Variants in LAMB4 observed in about 807,000 individuals in gnomAD.
LAMB4 encodes laminin subunit beta 4.
A neutral mutation model predicts 199.2 loss-of-function variants in LAMB4; 196 were observed. The observed-to-expected ratio is 0.98, with a 90% CI of 0.88 to 1.11. The LOEUF is 1.11. Among genes scored for constraint, LAMB4 ranks in the 50% least tolerant of loss-of-function variants. The pLI, the probability that LAMB4 is intolerant of heterozygous loss-of-function variation, is 0.00. For synonymous variants in LAMB4, 744 were observed against 770.6 expected (o/e 0.97, Z 0.57); for missense variants, 2,080 against 2,171.2 (o/e 0.96, Z 0.83).
Position 108,063,914 on chromosome 7 carries a change from A to G in LAMB4, c.2908T>C (p.Cys970Arg). ...PRISGAPCQPCACNNNIDVTD... is the reference protein window; with the variant it reads ...PRISGAPCQPRACNNNIDVTD... ...ACATCTATGTTGTTGTTGCAGGCACATGGTTGGCAAGGTGCTCCTGAAATT... is the reference window on the plus strand; with the variant it reads ...ACATCTATGTTGTTGTTGCAGGCACGTGGTTGGCAAGGTGCTCCTGAAATT... Residue 970 changes from cysteine to arginine, a missense_variant, in exon 22 of 34, where the codon TGT (cysteine) becomes CGT (arginine). Cys to Arg is a radical substitution (Grantham distance 180). Transcript: ENST00000388781. 1 of 1,614,170 alleles carries G rather than the reference A, an allele frequency of 6.2e-7. No homozygotes were observed. Among genetic ancestry groups the G allele is most frequent in the Non-Finnish European group, 8.5e-7 (1 of 1,180,024 alleles).
At chr7:108,081,907 C>A (rs2036957602) in intron 14 of LAMB4, among the ~76,000 whole-genome samples, 1 of 152,136 alleles carries the variant, frequency 6.6e-6, no homozygotes, top group Admixed American at 6.5e-5. Context: ...TAAGGACAAT[C>A]AATCACCAAT....
chr7:108,090,863 G>A (rs998459984), intron 14 of LAMB4, among the ~76,000 whole-genome samples: 6 of 152,118 alleles, frequency 3.9e-5, no homozygotes, highest in African/African-American at 1.2e-4. Flanking sequence ...TAGGGACAAC[G>A]AAAATCTCCT....
intron 30 of LAMB4, among the ~76,000 whole-genome samples, chr7:108,034,744 G>A (rs2035164239): frequency 6.6e-6 from 1 of 152,154 alleles, no homozygotes; most frequent in African/African-American, 2.4e-5. Flanking sequence ...AGGCCCCACA[G>A]AGAGCAAAGA....
intron 18 of LAMB4, 88 bp downstream of exon 18, chr7:108,069,620 G>A: frequency 8.0e-7 from 1 of 1,250,532 alleles, no homozygotes; most frequent in Non-Finnish European, 1.1e-6. Flanking sequence ...TTGTTGTTTG[G>A]AGTGGATGCT....
intron 33 of LAMB4, chr7:108,026,643 C>A (rs1439372544): frequency 4.6e-6 from 1 of 218,930 alleles, no homozygotes; most frequent in East Asian, 1.2e-4. Flanking sequence ...AATACTTTAT[C>A]CAAAATTATG....
chr7:108,113,155 C>T (rs768434587), intron 3 of LAMB4, among the ~76,000 whole-genome samples: 16 of 152,186 alleles, frequency 1.1e-4, no homozygotes, highest in Non-Finnish European at 1.6e-4. Flanking sequence ...CTTTTCACCC[C>T]CATGGCCCTC....
chr7:108,092,343 G>A lies in LAMB4; in HGVS notation c.1544C>T (p.Ser515Phe). ...TAAAACTTATTTGACTTACACGTTA[G>A]AATAAGCACCTCCAATATCACAGTC... ...PCDCDIGGAY[S>F]NVCSPKNGQC... Residue 515 changes from serine to phenylalanine, a missense_variant, in exon 13 of 34, where the codon TCT becomes TTT. Transcript: ENST00000388781. 6.2e-7 allele frequency: 1 copy of A among 1,612,194 alleles called. No individual in the cohort carries two copies. Among genetic ancestry groups the A allele is most frequent in the African/African-American group, 1.3e-5 (1 of 74,958 alleles).
intron 30 of LAMB4, among the ~76,000 whole-genome samples, chr7:108,035,250 A>G (rs942802623): frequency 7.9e-5 from 12 of 152,016 alleles, no homozygotes; most frequent in Admixed American, 6.6e-4. Flanking sequence ...TTTTTAATTT[A>G]CGACTGCAGG....
intron 33 of LAMB4, among the ~76,000 whole-genome samples, chr7:108,026,285 A>G (rs1732161): frequency 0.2 from 30,737 of 152,178 alleles, 7,239 homozygotes; most frequent in African/African-American, 0.58. Context: ...CCGAATCTGG[A>G]CTGGCTTTAT....
intron 33 of LAMB4, among the ~76,000 whole-genome samples, chr7:108,027,892 C>T (rs2034891928): frequency 6.6e-6 from 1 of 152,208 alleles, no homozygotes; most frequent in Non-Finnish European, 1.5e-5. Context: ...AAGCGATTCT[C>T]CTGCCTCAGC....
At chr7:108,125,750 C>T (rs893766041) in intron 1 of LAMB4, among the ~76,000 whole-genome samples, 2 of 152,232 alleles carry the variant, frequency 1.3e-5, no homozygotes, top group African/African-American at 4.8e-5. Context: ...GGAGGTGGAA[C>T]TGTAATGCTG....
intron 4 of LAMB4, among the ~76,000 whole-genome samples, chr7:108,109,474 A>T (rs1359481767): frequency 6.6e-6 from 1 of 152,224 alleles, no homozygotes; most frequent in Non-Finnish European, 1.5e-5. Context: ...TTTAGTGGCA[A>T]CACACATGGC....
intron 12 of LAMB4, among the ~76,000 whole-genome samples, chr7:108,093,928 G>GA (rs1032978549): frequency 1.3e-5 from 2 of 151,238 alleles, no homozygotes; most frequent in Admixed American, 6.6e-5. Context: ...TTCAGTTTAA[G>GA]AAAAAAAAAT....
the LAMB4 span, among the ~76,000 whole-genome samples, chr7:108,013,838 G>T: frequency 6.6e-6 from 1 of 152,072 alleles, no homozygotes; most frequent in African/African-American, 2.4e-5. Context: ...AAATTACTAT[G>T]CTGGACCCAT....
At chr7:108,078,059 G>A (rs1339762653) in intron 16 of LAMB4, 142 bp downstream of exon 16, 4 of 634,430 alleles carry the variant, frequency 6.3e-6, no homozygotes, top group East Asian at 5.5e-5. Context: ...AAAGCATAGT[G>A]CAGCACCCAG....
chr7:108,029,190 C>T lies in LAMB4; in HGVS notation c.4999G>A (p.Val1667Ile), dbSNP rs1056174564. The stretch of plus-strand genomic sequence containing the variant: ...ATAGCATATTGTTTTTTCAGCTCAA[C>T]AAATTCCTGTAACAAGCAACACTTG... ...HQAGSLEKEF[V>I]ELKKQYAILQ... Residue 1667 changes from valine (V) to isoleucine (I), a missense_variant, in exon 33 of 34, where the codon GTT becomes ATT. By Grantham distance (29) the Val-to-Ile change is conservative. Coordinates refer to ENST00000388781, the MANE Select transcript of LAMB4 (RefSeq NM_007356.3). The T allele has an allele frequency of 1.9e-6, 3 of 1,611,352 alleles. No individual in the cohort carries two copies. Among genetic ancestry groups the T allele is most frequent in the Admixed American group, 1.7e-5 (1 of 59,422 alleles).
rs1378454972 is a variant in LAMB4, at chr7:108,123,166, C to A, written c.-2G>T. The A allele has an allele frequency of 6.2e-7, 1 of 1,609,772 alleles. No homozygotes were observed. Among genetic ancestry groups the A allele is most frequent in the African/African-American group, 1.3e-5 (1 of 74,768 alleles). On this transcript the variant is annotated 5_prime_UTR_variant, in exon 2 of 34. Coordinates refer to ENST00000388781, the MANE Select transcript of LAMB4 (RefSeq NM_007356.3). ...AAAAAGGGTCAGTTGAAATTGCATT[C>A]TTTTGTCAGGAGATGATTAAATTCA... is the stretch of plus-strand genomic sequence containing the variant.
chr7:108,101,248 C>G (rs1159516970), intron 10 of LAMB4, among the ~76,000 whole-genome samples: 4 of 152,164 alleles, frequency 2.6e-5, no homozygotes, highest in Non-Finnish European at 5.9e-5. Context: ...CCCACTGGCT[C>G]TTTACCTAGC....
intron 24 of LAMB4, among the ~76,000 whole-genome samples, chr7:108,057,223 A>G (rs1192336226): frequency 1.3e-5 from 2 of 152,108 alleles, no homozygotes; most frequent in Non-Finnish European, 2.9e-5. Context: ...CTGCTTCTCT[A>G]TAAAAGATGA....
Sources: gnomAD v4.1 joint callset for allele counts (sites outside exome capture counted in the v4.1 genomes callset) on GRCh38, gnomAD v4.1.1 for gene constraint, MANE v1.5 for transcripts, NCBI Gene and HGNC (gene_info 2026-07-23, HGNC 2026-07-21) for gene names.